Variants in THEMIS observed in about 807,000 individuals in gnomAD.
The protein encoded by THEMIS is protein THEMIS.
Under a neutral mutation model 52.6 loss-of-function variants are expected in THEMIS, and 37 were observed. The observed-to-expected ratio is 0.70, with a 90% CI of 0.54 to 0.93. The LOEUF (loss-of-function observed/expected upper bound fraction) is 0.93. Ranked by LOEUF, THEMIS falls within the 40% of genes least tolerant of loss-of-function variation. The probability of loss-of-function intolerance (pLI) is 0.00; values close to 1 mark genes in which losing one functional copy is unlikely to be tolerated. For synonymous variants in THEMIS, 292 were observed against 272.7 expected (o/e 1.07, Z -0.70); for missense variants, 808 against 763.1 (o/e 1.06, Z -0.69).
intron 4 of THEMIS, among the ~76,000 whole-genome samples, chr6:127,724,568 G>A (rs1326721328): frequency 6.6e-6 from 1 of 152,108 alleles, no homozygotes; most frequent in Non-Finnish European, 1.5e-5. Context: ...TCAGTCCTCT[G>A]TGACCACGCT....
chr6:127,845,965 G>T (rs1779199230), intron 2 of THEMIS, among the ~76,000 whole-genome samples: 1 of 151,862 alleles, frequency 6.6e-6, no homozygotes, highest in African/African-American at 2.4e-5. Context: ...GCTAACTGAG[G>T]CTCTACCTGA....
At chr6:127,772,759 TA>T (rs2114445605) in intron 4 of THEMIS, among the ~76,000 whole-genome samples, 1 of 152,280 alleles carries the variant, frequency 6.6e-6, no homozygotes, top group East Asian at 1.9e-4. Context: ...TCAAATCCGA[TA>T]TTATTATGAT....
chr6:127,704,248 T>TGTATGAGGTA (rs1773771138), downstream of THEMIS, among the ~76,000 whole-genome samples: 1 of 152,186 alleles, frequency 6.6e-6, no homozygotes, highest in Admixed American at 6.5e-5. Flanking sequence ...CACTTGAATA[T>TGTATGAGGTA]ACTGCTCTGA....
chr6:127,873,231 C>T (rs572604031), intron 1 of THEMIS, among the ~76,000 whole-genome samples: 1 of 152,200 alleles, frequency 6.6e-6, no homozygotes, highest in African/African-American at 2.4e-5. Flanking sequence ...AATTGATATA[C>T]AGGTCAATGC....
chr6:127,713,969 G>A (rs1774070375), intron 5 of THEMIS, among the ~76,000 whole-genome samples: 1 of 151,864 alleles, frequency 6.6e-6, no homozygotes, highest in Admixed American at 6.6e-5. Context: ...ATCCAGATGA[G>A]AGACAGTGGT....
At chr6:127,771,942 G>C (rs1349901394) in intron 4 of THEMIS, among the ~76,000 whole-genome samples, 1 of 152,016 alleles carries the variant, frequency 6.6e-6, no homozygotes, top group Non-Finnish European at 1.5e-5. Context: ...GGAAATGTAC[G>C]ATTTAGTTTT....
At chr6:127,888,627 C>A (rs1238949818) in intron 1 of THEMIS, among the ~76,000 whole-genome samples, 1 of 151,932 alleles carries the variant, frequency 6.6e-6, no homozygotes, top group Non-Finnish European at 1.5e-5. Context: ...CAACCATGCA[C>A]ATGTGTTTTT....
At chr6:127,767,104 T>C (rs907872053) in intron 4 of THEMIS, among the ~76,000 whole-genome samples, 1 of 152,104 alleles carries the variant, frequency 6.6e-6, no homozygotes, top group African/African-American at 2.4e-5. Flanking sequence ...TTTTTGTTTT[T>C]TTTTGGAGAT....
In THEMIS at chr6:127,766,116, G is replaced by A. The variant is rs532903746; in HGVS notation, c.1759-46293C>T. Among the ~76,000 whole-genome samples the A allele has an allele frequency of 2.6e-5, 4 of 152,090 alleles. 1 individual carries two copies. Among genetic ancestry groups the A allele is most frequent in the African/African-American group, 4.8e-5 (2 of 41,500 alleles). On this transcript the variant is annotated intron_variant, in intron 4 of 5. Coordinates refer to ENST00000368248, the MANE Select transcript of THEMIS (RefSeq NM_001010923.3). Reference sequence around the variant, plus strand: ...CAATTGACAGTATATATTTGAAATCGCTGTCTAATATTCTCTGTCCATGGT... The same window carrying A: ...CAATTGACAGTATATATTTGAAATCACTGTCTAATATTCTCTGTCCATGGT...
chr6:127,714,934 A>G (rs1032934134), intron 5 of THEMIS, among the ~76,000 whole-genome samples: 46 of 151,898 alleles, frequency 3.0e-4, no homozygotes, highest in African/African-American at 1.1e-3. Flanking sequence ...TGCGAGTAAG[A>G]TTTCCATGAA....
intron 5 of THEMIS, among the ~76,000 whole-genome samples, chr6:127,718,085 T>C (rs145948736): frequency 5.3e-5 from 8 of 152,024 alleles, no homozygotes; most frequent in African/African-American, 1.9e-4. Flanking sequence ...TTATATAAGA[T>C]GAAAATAAAG....
At chr6:127,854,640 A>T (rs1453578001) in intron 2 of THEMIS, among the ~76,000 whole-genome samples, 1 of 151,896 alleles carries the variant, frequency 6.6e-6, no homozygotes, top group Non-Finnish European at 1.5e-5. Context: ...CCAAGGAGCT[A>T]GAGTAATGAC....
chr6:127,869,182 C>T (rs753822492), intron 1 of THEMIS, among the ~76,000 whole-genome samples: 1 of 152,186 alleles, frequency 6.6e-6, no homozygotes, highest in Non-Finnish European at 1.5e-5. Context: ...TGTTCCTCAA[C>T]TTACCATAGG....
In THEMIS at chr6:127,910,185, TA is replaced by T. The variant is rs1357719656; in HGVS notation, c.-150+8242del. 4 of 152,174 alleles carry T rather than the reference TA, an allele frequency of 2.6e-5. No individual in the cohort carries two copies. In the East Asian group the frequency reaches 7.7e-4, roughly 29 times the overall value. The allele number at this position is 152,174 out of a possible 1,614,324, so 9.4% of individuals were successfully genotyped here. Reference sequence around the variant, plus strand: ...AATATATAAACTAGCTAAGACTAAGTAAAAGGCTTGTTATAGATGATGTTTT... The same window carrying T: ...AATATATAAACTAGCTAAGACTAAGTAAAGGCTTGTTATAGATGATGTTTT... On this transcript the variant is annotated intron_variant, in intron 1 of 6. Transcript: ENST00000368250.
intron 4 of THEMIS, among the ~76,000 whole-genome samples, chr6:127,785,605 T>C (rs1776922800): frequency 6.6e-6 from 1 of 152,026 alleles, no homozygotes; most frequent in South Asian, 2.1e-4. Flanking sequence ...TATAAAAATA[T>C]AATCGTTAAA....
At chr6:127,882,017 T>G in intron 1 of THEMIS, among the ~76,000 whole-genome samples, 1 of 149,244 alleles carries the variant, frequency 6.7e-6, no homozygotes. Context: ...AAAAAAATGG[T>G]CTCCAAGTTT....
At chr6:127,717,124 T>C (rs1330109342) in intron 5 of THEMIS, among the ~76,000 whole-genome samples, 2 of 151,914 alleles carry the variant, frequency 1.3e-5, no homozygotes, top group African/African-American at 4.8e-5. Flanking sequence ...ATTCAGTAGT[T>C]AATTATTATA....
At chr6:127,777,425 G>A (rs768657449) in intron 4 of THEMIS, among the ~76,000 whole-genome samples, 2 of 152,034 alleles carry the variant, frequency 1.3e-5, no homozygotes, top group Non-Finnish European at 2.9e-5. Context: ...AATAATACCT[G>A]AGACATTACA....
intron 4 of THEMIS, among the ~76,000 whole-genome samples, chr6:127,752,363 G>GTTT (rs34834022): frequency 8.0e-5 from 11 of 137,756 alleles, no homozygotes; most frequent in Non-Finnish European, 1.6e-4. Context: ...GAAACGAAGA[G>GTTT]TTTTTTTTTT....
Sources: allele counts gnomAD v4.1 joint callset (sites outside exome capture counted in the v4.1 genomes callset), GRCh38; gene constraint gnomAD v4.1.1; transcripts MANE v1.5; gene names NCBI Gene and HGNC (gene_info 2026-07-23, HGNC 2026-07-21).